Variants in LDLRAD4 observed in about 807,000 individuals in gnomAD.
LDLRAD4 encodes the protein low density lipoprotein receptor class A domain containing 4, also known as low-density lipoprotein receptor class A domain-containing protein 4.
In LDLRAD4, 5 loss-of-function variants were observed where a neutral mutation model predicts 17.0. That is an observed-to-expected ratio of 0.29 (90% CI 0.15 to 0.62). The LOEUF (loss-of-function observed/expected upper bound fraction) is 0.62. Ranked by LOEUF, LDLRAD4 falls within the 20% of genes least tolerant of loss-of-function variation. The pLI is 0.84. For missense variants in LDLRAD4, 340 were observed against 424.7 expected, an observed-to-expected ratio of 0.80 and a Z score of 1.75; for synonymous variants, 168 against 171.8, an observed-to-expected ratio of 0.98 and a Z score of 0.17.
At chr18:13,381,534 C>T (rs1183703607) in intron 1 of LDLRAD4, among the ~76,000 whole-genome samples, 6 of 152,184 alleles carry the variant, frequency 3.9e-5, no homozygotes, top group Non-Finnish European at 7.3e-5. Context: ...AGAGTGGGTC[C>T]CCTACCTGGG....
At chr18:13,333,995 A>C (rs1474932820) in intron 1 of LDLRAD4, among the ~76,000 whole-genome samples, 2 of 152,212 alleles carry the variant, frequency 1.3e-5, no homozygotes, top group African/African-American at 4.8e-5. Flanking sequence ...GCTGGGAAGA[A>C]CTGACATGTT....
At chr18:13,602,962 CAGAA>C (rs2095181456) in intron 3 of LDLRAD4, among the ~76,000 whole-genome samples, 1 of 151,860 alleles carries the variant, frequency 6.6e-6, no homozygotes, top group African/African-American at 2.4e-5. Flanking sequence ...TGTTTTCAGT[CAGAA>C]AGAAAAGAAA....
Position 13,387,781 on chromosome 18 carries a change from A to T in LDLRAD4, c.40+19A>T. On this transcript the variant is annotated intron_variant, in intron 2 of 5. Coordinates refer to ENST00000359446, the Ensembl canonical transcript of LDLRAD4. ...TTCACAGGTGAGCATGCTCCAGGTA[A>T]TCCGAGGCTTTGCCTCCACTCCTGG... 1 of 1,611,954 alleles carries T rather than the reference A, an allele frequency of 6.2e-7. No individual in the cohort carries two copies. The highest frequency in any genetic ancestry group is 2.2e-5 in the East Asian group (1 of 44,858).
chr18:13,393,524 G>C (rs2086433592), intron 2 of LDLRAD4, among the ~76,000 whole-genome samples: 1 of 152,162 alleles, frequency 6.6e-6, no homozygotes, highest in Non-Finnish European at 1.5e-5. Context: ...TCCCACCTGC[G>C]CCAATGCAGT....
intron 1 of LDLRAD4, among the ~76,000 whole-genome samples, chr18:13,298,084 A>G (rs2046369363): frequency 6.6e-6 from 1 of 152,224 alleles, no homozygotes; most frequent in Non-Finnish European, 1.5e-5. Flanking sequence ...GGTAAGCCAG[A>G]TGATTACTGA....
intron 2 of LDLRAD4, among the ~76,000 whole-genome samples, chr18:13,418,122 C>G (rs547565950): frequency 1.4e-4 from 21 of 152,344 alleles, no homozygotes; most frequent in African/African-American, 4.6e-4. Flanking sequence ...CCCACCCGCC[C>G]TCTGAGGCCC....
At position 13,568,681 on chromosome 18, in the gene LDLRAD4, G is replaced by A. The variant is rs141102962; in HGVS notation, c.182-52436G>A. On this transcript the variant is annotated intron_variant, in intron 3 of 5. Transcript: ENST00000359446. ...AAGAAAGGGAAGGCAGAATAAAAAC[G>A]AGTGCACTTCACGCCCCACATCAGG... Among the ~76,000 whole-genome samples, 19 of 152,306 alleles carry A rather than the reference G, an allele frequency of 1.2e-4. No homozygotes were observed. The East Asian group carries it at 3.5e-3, about 28-fold the overall frequency.
intron 4 of LDLRAD4, among the ~76,000 whole-genome samples, chr18:13,628,125 G>A (rs913318218): frequency 2.6e-5 from 4 of 152,238 alleles, no homozygotes; most frequent in African/African-American, 9.6e-5. Flanking sequence ...TGCGGCTGGA[G>A]CGCTGGCTCG....
chr18:13,537,334 G>A (rs570168379), intron 3 of LDLRAD4, among the ~76,000 whole-genome samples: 15 of 152,280 alleles, frequency 9.9e-5, no homozygotes, highest in South Asian at 2.1e-4. Flanking sequence ...ACCAGGGACC[G>A]GTTTCATGGA....
intron 3 of LDLRAD4, among the ~76,000 whole-genome samples, chr18:13,566,099 G>A (rs1316126560): frequency 5.3e-5 from 8 of 152,176 alleles, no homozygotes; most frequent in Admixed American, 5.2e-4. Flanking sequence ...TGTGGTGTCT[G>A]GTAGAGAGGG....
In LDLRAD4 at chr18:13,311,467, C is replaced by T. The variant is rs149301101; in HGVS notation, c.-383+33279C>T. 9.8e-5 allele frequency among the ~76,000 whole-genome samples: 15 copies of T among 152,356 alleles called. No individual in the cohort carries two copies. The South Asian group carries it at 1.2e-3, about 13-fold the overall frequency. On this transcript the variant is annotated intron_variant, in intron 1 of 5. Transcript: ENST00000359446. ...GACTGCTAAGGAGTCGCTTTCCAGC[C>T]GTGGGTGACACTGCTGGACACCTCT...
intron 3 of LDLRAD4, among the ~76,000 whole-genome samples, chr18:13,545,387 C>T (rs1314271000): frequency 2.0e-5 from 3 of 152,152 alleles, no homozygotes; most frequent in African/African-American, 4.8e-5. Flanking sequence ...TTGGCAACAC[C>T]AAAATGTATG....
intron 3 of LDLRAD4, among the ~76,000 whole-genome samples, chr18:13,551,638 C>T (rs776492580): frequency 4.6e-5 from 7 of 151,828 alleles, no homozygotes; most frequent in South Asian, 2.1e-4. Context: ...GGTAGGAGGG[C>T]GGCCAACAGG....
chr18:13,266,385 C>T (rs1215457467), intron 1 of LDLRAD4, among the ~76,000 whole-genome samples: 1 of 152,142 alleles, frequency 6.6e-6, no homozygotes, highest in African/African-American at 2.4e-5. Flanking sequence ...GCACTGGGTC[C>T]GTGGCCAGAT....
chr18:13,462,181 G>A (rs2092456231), intron 3 of LDLRAD4: 1 of 152,266 alleles, frequency 6.6e-6, no homozygotes, highest in African/African-American at 2.4e-5. Flanking sequence ...GGCACTTGTG[G>A]ACTTCTTCAC....
intron 1 of LDLRAD4, among the ~76,000 whole-genome samples, chr18:13,358,835 G>A (rs1433315655): frequency 1.3e-5 from 2 of 152,276 alleles, no homozygotes; most frequent in East Asian, 3.9e-4. Context: ...GAAAGATACT[G>A]GGTGGCTAGA....
At chr18:13,548,940 C>T (rs947855064) in intron 3 of LDLRAD4, among the ~76,000 whole-genome samples, 2 of 152,108 alleles carry the variant, frequency 1.3e-5, no homozygotes, top group Non-Finnish European at 2.9e-5. Flanking sequence ...TTCATTTTAC[C>T]ATCTCAAGAT....
chr18:13,619,654 G>A (rs1032496674), intron 3 of LDLRAD4, among the ~76,000 whole-genome samples: 14 of 152,280 alleles, frequency 9.2e-5, no homozygotes, highest in African/African-American at 3.1e-4. Context: ...GACAGGCCAC[G>A]GGGAACCCAA....
intron 2 of LDLRAD4, among the ~76,000 whole-genome samples, chr18:13,422,679 C>T (rs2089598646): frequency 6.6e-6 from 1 of 152,158 alleles, no homozygotes; most frequent in Non-Finnish European, 1.5e-5. Flanking sequence ...GCCTGGGTGG[C>T]AGAGTGAGAC....
Sources: gnomAD v4.1 joint callset for allele counts (sites outside exome capture counted in the v4.1 genomes callset) on GRCh38, gnomAD v4.1.1 for gene constraint, MANE v1.5 for transcripts, NCBI Gene and HGNC (gene_info 2026-07-23, HGNC 2026-07-21) for gene names.